Variants in UBR4 observed in about 807,000 individuals in gnomAD.
UBR4 encodes the protein E3 ubiquitin-protein ligase UBR4.
A neutral mutation model predicts 575.6 loss-of-function variants in UBR4; 124 were observed. That is an observed-to-expected ratio of 0.22 (90% confidence interval 0.19 to 0.25). UBR4 has a LOEUF of 0.25. Among genes scored for constraint, UBR4 ranks in the 10% least tolerant of loss-of-function variants. The probability of loss-of-function intolerance (pLI) is 1.00; values close to 1 mark genes in which losing one functional copy is unlikely to be tolerated. For missense variants in UBR4, 4,818 were observed against 6,478.8 expected (o/e 0.74, Z 8.80); for synonymous variants, 2,455 against 2,473.7 (o/e 0.99, Z 0.22).
At chr1:19,148,677 GC>G (rs776408016) in intron 49 of UBR4, 51 bp from the exon 50 acceptor site, 1 of 1,604,940 alleles carries the variant, frequency 6.2e-7, no homozygotes, top group Admixed American at 1.7e-5. Flanking sequence ...TCTCCGCCTT[GC>G]GCTTTAGCCT....
Position 19,115,592 on chromosome 1 carries a change from T to C in UBR4, c.10869A>G (p.Gly3623=). Reference sequence around the variant, plus strand: ...GCAGGTCAATCTTCACCTCTGTCTGTCCAGGGGTCAGCTGAACCTTCTTGG... The same window carrying C: ...GCAGGTCAATCTTCACCTCTGTCTGCCCAGGGGTCAGCTGAACCTTCTTGG... ...HKAKKVQLTP[G]QTEVKIDLPL... is the part of the protein sequence containing the mutation. Residue 3623 remains glycine (G), a synonymous_variant, in exon 74 of 106, where the codon GGA becomes GGG. Transcript: ENST00000375254. 6.2e-7 allele frequency: 1 copy of C among 1,614,178 alleles called. No homozygotes were observed. The highest frequency in any genetic ancestry group is 8.5e-7 in the Non-Finnish European group (1 of 1,180,018).
At position 19,089,619 on chromosome 1, in the gene UBR4, G is replaced by A. The variant is rs1173757230; in HGVS notation, c.14212-642C>T. The stretch of plus-strand genomic sequence containing the variant: ...TAAACGGGGGTGGAGAACATCAGAA[G>A]GCTAAAGACAGGTGTAGTTGGAAAA... On this transcript the variant is annotated intron_variant, in intron 97 of 105. Transcript: ENST00000375254. The surrounding 1 kb of genome is among the most constrained non-coding windows in gnomAD (Gnocchi z 4.3). Among the ~76,000 whole-genome samples the A allele has an allele frequency of 6.6e-6, 1 of 152,224 alleles. No homozygotes were observed. Among genetic ancestry groups the A allele is most frequent in the Non-Finnish European group, 1.5e-5 (1 of 68,046 alleles).
Position 19,151,639 on chromosome 1 carries a change from T to C in UBR4, c.7213+4A>G. ...AGAGTCTGCACCAGGGGTTGGTGAC[T>C]CACTGAAGAGGTTCAGCTTCTTATC... is the stretch of plus-strand genomic sequence containing the variant. On this transcript the variant is annotated splice_donor_region_variant and intron_variant, in intron 48 of 105. Transcript: ENST00000375254. The C allele has an allele frequency of 6.2e-7, 1 of 1,614,194 alleles. No individual in the cohort carries two copies. The highest frequency in any genetic ancestry group is 8.5e-7 in the Non-Finnish European group (1 of 1,180,012).
rs1557898557 is a variant in UBR4 at position 19,173,016 on chromosome 1, G to T, written c.3369C>A (p.Thr1123=). The T allele has an allele frequency of 1.2e-6, 2 of 1,614,164 alleles. No homozygotes were observed. The highest frequency in any genetic ancestry group is 1.7e-5 in the Admixed American group (1 of 60,022). Residue 1123 remains threonine, a synonymous_variant, in exon 25 of 106, where the codon ACC becomes ACA. Coordinates refer to ENST00000375254, the MANE Select transcript of UBR4 (RefSeq NM_020765.3). ...GGACCTTTGAGATCGCGGCATCAAG[G>T]GTGTAGATGGACTGCAGACTGGGAA... ...HEIPSLQSIY[T]LDAAISKVQV...
intron 60 of UBR4, among the ~76,000 whole-genome samples, chr1:19,134,804 A>AT (rs2083004394): frequency 6.6e-6 from 1 of 152,072 alleles, no homozygotes; most frequent in African/African-American, 2.4e-5. Context: ...GTAAACTGTA[A>AT]TACATGACTT....
rs2079709838 is a variant in UBR4, at chr1:19,110,409, T to C, written c.11948A>G (p.Asp3983Gly). ...LLLTDSISKE[D>G]SCWELRLRCA... ...GCGTAACCGGAGCTCCCAGCAGCTGTCCTCCTTGGAGATAGAATCCGTCAG... is the reference window on the plus strand; with the variant it reads ...GCGTAACCGGAGCTCCCAGCAGCTGCCCTCCTTGGAGATAGAATCCGTCAG... Residue 3983 changes from aspartate to glycine, a missense_variant, in exon 80 of 106, where the codon GAC becomes GGC. Around this residue, in one of 29 missense-constraint regions of UBR4, gnomAD observed 333 missense variants for 459.2 expected, o/e 0.73. Coordinates refer to ENST00000375254, the MANE Select transcript of UBR4 (RefSeq NM_020765.3). This position sits in a 1 kb window ranked among gnomAD's most constrained non-coding sequence, Gnocchi z 4.5. 6.2e-7 allele frequency: 1 copy of C among 1,614,010 alleles called. No homozygotes were observed.
intron 69 of UBR4, 92 bp downstream of exon 69, chr1:19,120,088 G>C: frequency 7.0e-7 from 1 of 1,436,046 alleles, no homozygotes; most frequent in Non-Finnish European, 9.6e-7. Context: ...TACTGACTCT[G>C]TGACCATATG....
intron 2 of UBR4, among the ~76,000 whole-genome samples, 158 bp from the exon 3 acceptor site, chr1:19,199,912 AT>A (rs1398483441): frequency 6.6e-6 from 1 of 152,246 alleles, no homozygotes; most frequent in Non-Finnish European, 1.5e-5. Context: ...TTTGACATCA[AT>A]AACTACCAGA....
intron 25 of UBR4, among the ~76,000 whole-genome samples, chr1:19,171,223 A>C (rs2089484555): frequency 6.6e-6 from 1 of 152,210 alleles, no homozygotes; most frequent in South Asian, 2.1e-4. Flanking sequence ...CAAAACAAAA[A>C]AAACTGTTTA....
At chr1:19,128,662 T>C (rs1172695603) in intron 61 of UBR4, among the ~76,000 whole-genome samples, 16 of 152,242 alleles carry the variant, frequency 1.1e-4, no homozygotes, top group Non-Finnish European at 2.2e-4. Context: ...AGACAGCTAG[T>C]GAGTGGAAGA....
At chr1:19,106,287 AC>A (rs2079187740) in intron 83 of UBR4, among the ~76,000 whole-genome samples, 1 of 152,212 alleles carries the variant, frequency 6.6e-6, no homozygotes, top group African/African-American at 2.4e-5. Flanking sequence ...AGCAGAAGAT[AC>A]GAAAAATGGA....
chr1:19,079,154 TATTC>T (rs1301062590), intron 103 of UBR4: 7 of 152,170 alleles, frequency 4.6e-5, no homozygotes, highest in African/African-American at 1.7e-4. Context: ...ACATAGATGG[TATTC>T]ATTATAGAAG....
chr1:19,136,710 G>A (rs939103270), intron 60 of UBR4, among the ~76,000 whole-genome samples: 3 of 152,148 alleles, frequency 2.0e-5, no homozygotes, highest in Non-Finnish European at 2.9e-5. Flanking sequence ...AAGCAGGCTG[G>A]ATTTTAAATG....
intron 9 of UBR4, among the ~76,000 whole-genome samples, chr1:19,193,009 C>T (rs766714912): frequency 8.5e-4 from 130 of 152,122 alleles, no homozygotes; most frequent in Non-Finnish European, 1.7e-3. Flanking sequence ...TTTTGAACTC[C>T]TAACCTCAGG....
intron 44 of UBR4, among the ~76,000 whole-genome samples, chr1:19,154,511 C>T (rs1176003267): frequency 6.6e-6 from 1 of 152,150 alleles, no homozygotes; most frequent in Admixed American, 6.5e-5. Context: ...TCCAACCATG[C>T]CCCCATTACT....
rs2086550938 is a variant in UBR4, at chr1:19,157,067, A to C, written c.5761-142T>G. Reference sequence around the variant, plus strand: ...TAAGTCTAGTAGAAAATCCTAGATCAGTATTAGTCTCTATTACTCCTGGCT... The same window carrying C: ...TAAGTCTAGTAGAAAATCCTAGATCCGTATTAGTCTCTATTACTCCTGGCT... On this transcript the variant is annotated intron_variant, in intron 40 of 105. Transcript: ENST00000375254. The surrounding 1 kb of genome is among the most constrained non-coding windows in gnomAD (Gnocchi z 4.4). The C allele has an allele frequency of 1.1e-6, 1 of 918,232 alleles. No homozygotes were observed. The highest frequency in any genetic ancestry group is 1.7e-5 in the African/African-American group (1 of 59,438). 56.9% of individuals were successfully genotyped at this position (918,232 alleles called of 1,614,324 possible). A position where few individuals can be genotyped will look rare whatever the true frequency, so the allele number is the denominator to read the frequency against.
chr1:19,081,115 G>T, intron 103 of UBR4: 2 of 483,520 alleles, frequency 4.1e-6, no homozygotes, highest in Non-Finnish European at 3.7e-6. Flanking sequence ...TTCTACAGTA[G>T]GTAAGACTGG....
In UBR4 at chr1:19,141,717, G is replaced by A. The variant is rs749993303; in HGVS notation, c.8240C>T (p.Pro2747Leu). The A allele has an allele frequency of 1.2e-5, 20 of 1,613,996 alleles. No homozygotes were observed. Among genetic ancestry groups the A allele is most frequent in the Middle Eastern group, 1.6e-4 (1 of 6,084 alleles). Residue 2747 changes from proline to leucine, a missense_variant, in exon 56 of 106, where the codon CCG (proline) becomes CTG (leucine). Coordinates refer to ENST00000375254, the MANE Select transcript of UBR4 (RefSeq NM_020765.3). ...TTCCTGACGGATGTGACCACCATTCGGGATCCCTGATGACTGCATTTTCTC... is the reference window on the plus strand; with the variant it reads ...TTCCTGACGGATGTGACCACCATTCAGGATCCCTGATGACTGCATTTTCTC... ...ADEKMQSSGI[P>L]NGGHIRQESQ...
rs1349683732 is a variant in UBR4 at position 19,139,163 on chromosome 1, G to A, written c.8651C>T (p.Thr2884Ile). Residue 2884 changes from threonine to isoleucine, a missense_variant, in exon 59 of 106, where the codon ACC (threonine) becomes ATC (isoleucine). By Grantham distance (89) the Thr-to-Ile change is moderately conservative. This residue lies in a region of UBR4 where 57 missense variants were observed against 101.5 expected (regional missense o/e 0.56). Coordinates refer to ENST00000375254, the MANE Select transcript of UBR4 (RefSeq NM_020765.3). The surrounding 1 kb of genome is among the most constrained non-coding windows in gnomAD (Gnocchi z 4.2). ...TAATDGSTLR[T>I]SPADHGGSVG... The stretch of plus-strand genomic sequence containing the variant: ...ACTACCACCGTGGTCAGCAGGAGAG[G>A]TCCGAAGGGTAGAACCATCTGTCGC... 6.2e-7 allele frequency: 1 copy of A among 1,614,040 alleles called. No individual in the cohort carries two copies. Among genetic ancestry groups the A allele is most frequent in the Admixed American group, 1.7e-5 (1 of 60,002 alleles).
Sources: allele counts gnomAD v4.1 joint callset (sites outside exome capture counted in the v4.1 genomes callset), GRCh38; gene constraint gnomAD v4.1.1; regional missense constraint gnomAD v4.1.1; non-coding constraint Gnocchi (gnomAD v3.1); transcripts MANE v1.5; gene names NCBI Gene and HGNC (gene_info 2026-07-23, HGNC 2026-07-21).